Variants in PRPF8 observed in about 807,000 individuals in gnomAD.
The protein encoded by PRPF8 is pre-mRNA processing factor 8, also known as pre-mRNA-processing-splicing factor 8.
In PRPF8, 64 loss-of-function variants were observed where a neutral mutation model predicts 285.9. The observed-to-expected ratio is 0.22, with a 90% CI of 0.18 to 0.28. PRPF8 has a LOEUF of 0.28. Among genes scored for constraint, PRPF8 ranks in the 10% least tolerant of loss-of-function variants. The pLI, the probability that PRPF8 is intolerant of heterozygous loss-of-function variation, is 1.00. For synonymous variants in PRPF8, 1,325 were observed against 1,118.2 expected, an observed-to-expected ratio of 1.18 and a Z score of -3.69; for missense variants, 1,426 against 3,026.7, an observed-to-expected ratio of 0.47 and a Z score of 12.41.
chr17:1,653,774 T>C lies in PRPF8; in HGVS notation c.6227+3A>G. 6.2e-7 allele frequency: 1 copy of C among 1,614,170 alleles called. No homozygotes were observed. Among genetic ancestry groups the C allele is most frequent in the East Asian group, 2.2e-5 (1 of 44,882 alleles). On this transcript the variant is annotated splice_donor_region_variant and intron_variant, in intron 38 of 42. Transcript: ENST00000304992. This position sits in a 1 kb window ranked among gnomAD's most constrained non-coding sequence, Gnocchi z 4.9. ...CCATCCCCACCCTCTTGCCCGACAGTACCTGACCCTCCACTCAGTCTTGGA... is the reference window on the plus strand; with the variant it reads ...CCATCCCCACCCTCTTGCCCGACAGCACCTGACCCTCCACTCAGTCTTGGA...
chr17:1,654,755 C>T (rs1020951370), intron 37 of PRPF8: 9 of 163,616 alleles, frequency 5.5e-5, no homozygotes, highest in African/African-American at 2.2e-4. Context: ...CCTCAGCCTC[C>T]AAGAAGCTGG....
intron 13 of PRPF8, 135 bp downstream of exon 13, chr17:1,678,383 T>C (rs1912726719): frequency 4.3e-6 from 5 of 1,162,522 alleles, no homozygotes; most frequent in African/African-American, 1.5e-5. Flanking sequence ...CTCGGGAGGC[T>C]GAGGCAGGAG....
rs1030804537 is a variant in PRPF8, at chr17:1,675,493, C to A, written c.2872+127G>T. Reference sequence around the variant, plus strand: ...CTATGGGCTTTTCCTCAGTTTAACACGAACACTACTTCCCTTTACTACCAC... The same window carrying A: ...CTATGGGCTTTTCCTCAGTTTAACAAGAACACTACTTCCCTTTACTACCAC... On this transcript the variant is annotated intron_variant, in intron 19 of 42. Transcript: ENST00000304992. This position sits in a 1 kb window ranked among gnomAD's most constrained non-coding sequence, Gnocchi z 6.0. 2 of 1,453,726 alleles carry A rather than the reference C, an allele frequency of 1.4e-6. No homozygotes were observed. The highest frequency in any genetic ancestry group is 2.8e-5 in the African/African-American group (2 of 71,482). The allele number at this position is 1,453,726 out of a possible 1,614,324, so 90.1% of individuals were successfully genotyped here. A position where few individuals can be genotyped will look rare whatever the true frequency, so the allele number is the denominator to read the frequency against.
intron 2 of PRPF8, 145 bp downstream of exon 2, chr17:1,684,327 A>G: frequency 2.3e-6 from 2 of 861,562 alleles, no homozygotes; most frequent in Non-Finnish European, 3.8e-6. Flanking sequence ...TACGCGCTTA[A>G]AATGACTTGA....
intron 34 of PRPF8, among the ~76,000 whole-genome samples, chr17:1,657,927 A>G (rs2151114112): frequency 6.7e-6 from 1 of 148,154 alleles, no homozygotes; most frequent in African/African-American, 2.5e-5. Context: ...ACCGAGATTG[A>G]GCCACTGTGC....
chr17:1,672,960 A>G (rs1490347782), intron 24 of PRPF8, 121 bp downstream of exon 24: 5 of 919,284 alleles, frequency 5.4e-6, no homozygotes, highest in African/African-American at 4.9e-5. Flanking sequence ...CAGAGCATGG[A>G]AACTGGCACA....
chr17:1,682,445 C>CT, intron 3 of PRPF8, 152 bp from the exon 4 acceptor site: 2 of 874,422 alleles, frequency 2.3e-6, no homozygotes, highest in Admixed American at 4.3e-5. Context: ...ACCAGAAACC[C>CT]TGCCTCTCCC....
At chr17:1,652,454 G>T (rs1911133169) in intron 39 of PRPF8, among the ~76,000 whole-genome samples, 1 of 152,198 alleles carries the variant, frequency 6.6e-6, no homozygotes, top group Non-Finnish European at 1.5e-5. Context: ...GGCCAAGCTG[G>T]TCTTGAACTC....
At chr17:1,665,366 G>C (rs1363232674) in intron 24 of PRPF8, among the ~76,000 whole-genome samples, 1 of 149,490 alleles carries the variant, frequency 6.7e-6, no homozygotes, top group African/African-American at 2.5e-5. Flanking sequence ...GGTGAAACCC[G>C]TCTCTACTAC....
Position 1,675,625 on chromosome 17 carries a change from C to A in PRPF8, c.2867G>T (p.Cys956Phe). ...EPPPLLVYKW[C>F]QGINNLQDVW... ...CGATCTCATGAAAGTTCTACCTTGACACCACTTGTAAACAAGCAGCGGAGG... is the reference window on the plus strand; with the variant it reads ...CGATCTCATGAAAGTTCTACCTTGAAACCACTTGTAAACAAGCAGCGGAGG... The change falls in exon 19 of 43, where the codon TGT becomes TTT. Residue 956 changes from cysteine to phenylalanine, a missense_variant. Physicochemically the swap from Cys to Phe is radical, Grantham distance 205. Around this residue, in one of 34 missense-constraint regions of PRPF8, gnomAD observed 37 missense variants for 43.4 expected, o/e 0.85. Coordinates refer to ENST00000304992, the MANE Select transcript of PRPF8 (RefSeq NM_006445.4). This position sits in a 1 kb window ranked among gnomAD's most constrained non-coding sequence, Gnocchi z 6.0. The A allele has an allele frequency of 6.2e-7, 1 of 1,614,188 alleles. No individual in the cohort carries two copies. The highest frequency in any genetic ancestry group is 8.5e-7 in the Non-Finnish European group (1 of 1,180,034).
intron 24 of PRPF8, among the ~76,000 whole-genome samples, chr17:1,663,554 C>T (rs938064139): frequency 1.3e-5 from 2 of 151,140 alleles, no homozygotes; most frequent in African/African-American, 4.9e-5. Flanking sequence ...ACTAAAAATA[C>T]AAAAATTAGC....
At chr17:1,660,603 A>G (rs202160704) in intron 29 of PRPF8, 25 bp from the exon 30 acceptor site, 25 of 1,614,130 alleles carry the variant, frequency 1.5e-5, no homozygotes, top group Non-Finnish European at 1.9e-5. Context: ...ACAATGTGAC[A>G]TTAGAGATCA....
Position 1,684,454 on chromosome 17 carries a change from T to C in PRPF8, c.100+18A>G. On this transcript the variant is annotated intron_variant, in intron 2 of 42. Transcript: ENST00000304992. Reference sequence around the variant, plus strand: ...GCCCCGCCTCCGGCCCGCGCGCCGCTCCACACTCTCGCCTCACCTTTCTCC... The same window carrying C: ...GCCCCGCCTCCGGCCCGCGCGCCGCCCCACACTCTCGCCTCACCTTTCTCC... The C allele has an allele frequency of 6.2e-7, 1 of 1,612,318 alleles. No homozygotes were observed. The highest frequency in any genetic ancestry group is 8.5e-7 in the Non-Finnish European group (1 of 1,179,534).
rs763207399 is a variant in PRPF8, at chr17:1,661,998, C to A, written c.3930G>T (p.Arg1310=). The change falls in exon 25 of 43, where the codon CGG becomes CGT. Residue 1310 remains arginine, a synonymous_variant. Transcript: ENST00000304992. The surrounding 1 kb of genome is among the most constrained non-coding windows in gnomAD (Gnocchi z 7.3). The stretch of plus-strand genomic sequence containing the variant: ...GGGTGTAGAACACAACCGGGGGGAA[C>A]CGACTTGGCATCTTGGAGTTGAGTC... ...KIGLNSKMPS[R]FPPVVFYTPK... The A allele has an allele frequency of 2.5e-6, 4 of 1,613,984 alleles. No individual in the cohort carries two copies. The highest frequency in any genetic ancestry group is 3.4e-6 in the Non-Finnish European group (4 of 1,180,014).
In PRPF8 at chr17:1,656,366, C is replaced by A. The variant is rs772995973; in HGVS notation, c.5793+26G>T. On this transcript the variant is annotated intron_variant, in intron 36 of 42. Coordinates refer to ENST00000304992, the MANE Select transcript of PRPF8 (RefSeq NM_006445.4). ...AACCCTAAACCCGCTCCTCCTCCAG[C>A]GATCTTCTCTTCCCGAGGTTCATAC... 5.0e-6 allele frequency: 8 copies of A among 1,613,974 alleles called. No individual in the cohort carries two copies. In the Admixed American group the frequency reaches 1.3e-4, roughly 27 times the overall value.
Position 1,653,287 on chromosome 17 carries a change from ATT to A in PRPF8, c.6369+253_6369+254del. The A allele has an allele frequency of 3.3e-6, 2 of 598,982 alleles. No homozygotes were observed. The highest frequency in any genetic ancestry group is 2.9e-5 in the East Asian group (1 of 34,826). 37.1% of individuals were successfully genotyped at this position (598,982 alleles called of 1,614,324 possible). A position where few individuals can be genotyped will look rare whatever the true frequency, so the allele number is the denominator to read the frequency against. On this transcript the variant is annotated intron_variant, in intron 39 of 42. Coordinates refer to ENST00000304992, the MANE Select transcript of PRPF8 (RefSeq NM_006445.4). The surrounding 1 kb of genome is among the most constrained non-coding windows in gnomAD (Gnocchi z 4.9). ...AGCCAGCACGCACACCTGGTCAGGAATTTGTTTCTGACCATATCTGTTCTCTT... is the reference window on the plus strand; with the variant it reads ...AGCCAGCACGCACACCTGGTCAGGAATGTTTCTGACCATATCTGTTCTCTT...
At position 1,661,436 on chromosome 17, in the gene PRPF8, A is replaced by G. The variant is rs529329542; in HGVS notation, c.4203-30T>C. 4 of 1,614,008 alleles carry G rather than the reference A, an allele frequency of 2.5e-6. No homozygotes were observed. The African/African-American group carries it at 5.3e-5, about 22-fold the overall frequency. ...CAAAAAAAGAAAGATTCAAGTCAAA[A>G]CGTGATCTCATATGAGGAGCTCAGC... On this transcript the variant is annotated intron_variant, in intron 26 of 42. Coordinates refer to ENST00000304992, the MANE Select transcript of PRPF8 (RefSeq NM_006445.4). This position sits in a 1 kb window ranked among gnomAD's most constrained non-coding sequence, Gnocchi z 7.3.
rs774814974 is a variant in PRPF8 at position 1,653,857 on chromosome 17, C to T, written c.6147G>A (p.Lys2049=). 30 of 1,614,014 alleles carry T rather than the reference C, an allele frequency of 1.9e-5. No individual in the cohort carries two copies. The Admixed American group carries it at 5.0e-4, about 27-fold the overall frequency. ...TGGAGGTGATGATCTCATCGCCATG[C>T]TTGTTGACAGTGCGAGTCTGTGTTG... The part of the protein sequence containing the change: ...LTATQTRTVN[K]HGDEIITSTT... Residue 2049 remains lysine, a synonymous_variant, in exon 38 of 43, where the codon AAG becomes AAA. Coordinates refer to ENST00000304992, the MANE Select transcript of PRPF8 (RefSeq NM_006445.4). The surrounding 1 kb of genome is among the most constrained non-coding windows in gnomAD (Gnocchi z 4.9).
intron 37 of PRPF8, chr17:1,655,032 C>T (rs756575309): frequency 8.6e-6 from 3 of 350,098 alleles, no homozygotes; most frequent in East Asian, 1.3e-4. Flanking sequence ...GATCTCGGCT[C>T]ACTGCAACCT....
Sources: allele counts gnomAD v4.1 joint callset (sites outside exome capture counted in the v4.1 genomes callset), GRCh38; gene constraint gnomAD v4.1.1; regional missense constraint gnomAD v4.1.1; non-coding constraint Gnocchi (gnomAD v3.1); transcripts MANE v1.5; gene names NCBI Gene and HGNC (gene_info 2026-07-23, HGNC 2026-07-21).